Variants in LRRIQ1 observed in about 807,000 individuals in gnomAD.
LRRIQ1 encodes leucine rich repeats and IQ motif containing 1.
LRRIQ1 carries 210 observed loss-of-function variants against 211.9 expected under a neutral mutation model. That is an observed-to-expected ratio of 0.99 (90% confidence interval 0.89 to 1.11). The LOEUF (loss-of-function observed/expected upper bound fraction) is 1.11. Ranked by LOEUF, LRRIQ1 falls within the 50% of genes most tolerant of loss-of-function variation. The pLI, the probability that LRRIQ1 is intolerant of heterozygous loss-of-function variation, is 0.00. For synonymous variants in LRRIQ1, 699 were observed against 650.1 expected (o/e 1.08, Z -1.14); for missense variants, 2,136 against 1,939.5 (o/e 1.10, Z -1.90).
intron 19 of LRRIQ1, 70 bp downstream of exon 19, chr12:85,138,039 C>T: frequency 5.2e-6 from 5 of 963,434 alleles, no homozygotes; most frequent in Non-Finnish European, 7.6e-6. Flanking sequence ...GAAGATAAAC[C>T]AGTTTCTAAG....
At position 85,056,411 on chromosome 12, in the gene LRRIQ1, A is replaced by C; in HGVS notation, c.1618A>C (p.Ile540Leu). The change falls in exon 8 of 27, where the codon ATC becomes CTC. Residue 540 changes from isoleucine (I) to leucine (L), a missense_variant. Coordinates refer to ENST00000393217, the MANE Select transcript of LRRIQ1 (RefSeq NM_001079910.2). Reference sequence around the variant, plus strand: ...GTCTGATGCACAAAAAGAAGAAAAAATCATGAAACATGTCATAAATGAGAA... The same window carrying C: ...GTCTGATGCACAAAAAGAAGAAAAACTCATGAAACATGTCATAAATGAGAA... ...LKSDAQKEEKIMKHVINENTG... is the reference protein window; with the variant it reads ...LKSDAQKEEKLMKHVINENTG... 1 of 1,588,364 alleles carries C rather than the reference A, an allele frequency of 6.3e-7. No individual in the cohort carries two copies. The highest frequency in any genetic ancestry group is 8.5e-7 in the Non-Finnish European group (1 of 1,173,452).
Position 85,102,951 on chromosome 12 carries a change from A to T in LRRIQ1, c.3210-1053A>T, listed in dbSNP as rs1265629697. 2.2e-3 allele frequency among the ~76,000 whole-genome samples: 259 copies of T among 116,694 alleles called. 3 individuals carry two copies. Among genetic ancestry groups the T allele is most frequent in the East Asian group, 0.021 (71 of 3,322 alleles). The allele number at this position is 116,694 out of a possible 152,430, so 76.6% of individuals were successfully genotyped here. A position where few individuals can be genotyped will look rare whatever the true frequency, so the allele number is the denominator to read the frequency against. ...AGGCTTTTCTAATTGTGGCAAAAAA[A>T]AAAAAAAAATATATATATATATATA... On this transcript the variant is annotated intron_variant, in intron 13 of 26. Transcript: ENST00000393217.
At chr12:85,149,563 G>T (rs538173833) in intron 19 of LRRIQ1, among the ~76,000 whole-genome samples, 15 of 151,840 alleles carry the variant, frequency 9.9e-5, no homozygotes, top group Admixed American at 7.9e-4. Context: ...ATTTGCAGTG[G>T]TAAGCATGAT....
chr12:85,168,189 C>T (rs1297927626), intron 24 of LRRIQ1, among the ~76,000 whole-genome samples: 1 of 152,122 alleles, frequency 6.6e-6, no homozygotes, highest in Non-Finnish European at 1.5e-5. Flanking sequence ...GAGGAGTGAA[C>T]CAAACCTTCA....
intron 13 of LRRIQ1, among the ~76,000 whole-genome samples, chr12:85,103,032 G>T (rs2136304019): frequency 6.9e-6 from 1 of 144,266 alleles, no homozygotes; most frequent in African/African-American, 2.6e-5. Context: ...AGATGAGCTG[G>T]CTTCATTTAA....
intron 1 of LRRIQ1, among the ~76,000 whole-genome samples, chr12:85,260,465 G>A (rs1158197858): frequency 2.0e-5 from 3 of 152,070 alleles, no homozygotes; most frequent in African/African-American, 7.2e-5. Context: ...TGCTTGGAAG[G>A]CACTTGACTT....
chr12:85,259,355 A>C (rs1264665227), intron 1 of LRRIQ1, among the ~76,000 whole-genome samples: 5 of 152,018 alleles, frequency 3.3e-5, no homozygotes, highest in Admixed American at 1.3e-4. Flanking sequence ...ATGATTATAC[A>C]TTGACCATAT....
intron 24 of LRRIQ1, among the ~76,000 whole-genome samples, chr12:85,189,857 A>G (rs1481475286): frequency 6.9e-6 from 1 of 144,802 alleles, no homozygotes. Flanking sequence ...ATATATTATA[A>G]TTTATATATT....
intron 24 of LRRIQ1, among the ~76,000 whole-genome samples, chr12:85,176,060 G>C (rs1377320404): frequency 6.6e-6 from 1 of 152,090 alleles, no homozygotes; most frequent in Admixed American, 6.6e-5. Context: ...TTGGTAGCTT[G>C]ATGGGGATGG....
At chr12:85,216,191 GCCCCGGTGTGTGATGTC>G (rs1262638494) in intron 24 of LRRIQ1, among the ~76,000 whole-genome samples, 1 of 152,030 alleles carries the variant, frequency 6.6e-6, no homozygotes, top group Non-Finnish European at 1.5e-5. Flanking sequence ...CCCCTGACAG[GCCCCGGTGTGTGATGTC>G]CCCATCGCTG....
chr12:85,229,403 T>C, intron 24 of LRRIQ1, 114 bp from the exon 25 acceptor site: 1 of 796,224 alleles, frequency 1.3e-6, no homozygotes, highest in Non-Finnish European at 1.9e-6. Flanking sequence ...TTAGCTCTCA[T>C]AAGTTAGTAT....
chr12:85,044,810 G>A lies in LRRIQ1; in HGVS notation c.336+1G>A. Reference sequence around the variant, plus strand: ...AGAAAGTTCAGAGCAATTAATTAAGGTATATATTCAATATTTGACTTAAAA... The same window carrying A: ...AGAAAGTTCAGAGCAATTAATTAAGATATATATTCAATATTTGACTTAAAA... On this transcript the variant is annotated splice_donor_variant, in intron 4 of 26. Coordinates refer to ENST00000393217, the MANE Select transcript of LRRIQ1 (RefSeq NM_001079910.2). LOFTEE classifies it high-confidence loss of function. 2 of 1,347,332 alleles carry A rather than the reference G, an allele frequency of 1.5e-6. No homozygotes were observed. The highest frequency in any genetic ancestry group is 1.3e-5 in the South Asian group (1 of 78,476). The allele number at this position is 1,347,332 out of a possible 1,614,324, so 83.5% of individuals were successfully genotyped here.
intron 15 of LRRIQ1, among the ~76,000 whole-genome samples, chr12:85,108,388 A>G (rs1016059378): frequency 1.7e-4 from 26 of 152,090 alleles, no homozygotes; most frequent in Non-Finnish European, 2.9e-4. Flanking sequence ...TCAGTCTCCC[A>G]AAGTGCTGGG....
At chr12:85,191,539 A>G (rs897089283) in intron 24 of LRRIQ1, among the ~76,000 whole-genome samples, 1 of 152,034 alleles carries the variant, frequency 6.6e-6, no homozygotes, top group African/African-American at 2.4e-5. Flanking sequence ...ATTGAATGGA[A>G]GTACCACAGT....
intron 24 of LRRIQ1, among the ~76,000 whole-genome samples, chr12:85,189,019 C>T (rs1003448857): frequency 2.0e-5 from 3 of 152,002 alleles, no homozygotes; most frequent in Non-Finnish European, 4.4e-5. Flanking sequence ...AGAGACTGCA[C>T]AAGGTGGAGA....
chr12:85,063,684 ACC>A (rs988094823), intron 8 of LRRIQ1, among the ~76,000 whole-genome samples: 1 of 150,928 alleles, frequency 6.6e-6, no homozygotes, highest in Admixed American at 6.6e-5. Flanking sequence ...ACTTCCCTCA[ACC>A]CCACCCCACT....
Position 85,038,978 on chromosome 12 carries a change from A to G in LRRIQ1, c.132+670A>G, listed in dbSNP as rs1878527629. On this transcript the variant is annotated intron_variant, in intron 2 of 26. Coordinates refer to ENST00000393217, the MANE Select transcript of LRRIQ1 (RefSeq NM_001079910.2). Reference sequence around the variant, plus strand: ...CTTCACATCTTTTTATCATTTGAAAATCTTAACTAAGCTTTTTTTGAAAAA... The same window carrying G: ...CTTCACATCTTTTTATCATTTGAAAGTCTTAACTAAGCTTTTTTTGAAAAA... Among the ~76,000 whole-genome samples, 3 of 151,272 alleles carry G rather than the reference A, an allele frequency of 2.0e-5. No individual in the cohort carries two copies. The South Asian group carries it at 6.3e-4, about 32-fold the overall frequency.
At chr12:85,074,580 C>T (rs1883441415) in intron 11 of LRRIQ1, among the ~76,000 whole-genome samples, 1 of 151,892 alleles carries the variant, frequency 6.6e-6, no homozygotes, top group Admixed American at 6.6e-5. Flanking sequence ...AAGCAAGCAT[C>T]CCCAACTCCT....
At chr12:85,037,510 T>C (rs1199491287) in intron 1 of LRRIQ1, among the ~76,000 whole-genome samples, 2 of 152,122 alleles carry the variant, frequency 1.3e-5, no homozygotes, top group African/African-American at 2.4e-5. Flanking sequence ...TTCTTTCTTT[T>C]CCTTTTTTTA....
Sources: gnomAD v4.1 joint callset for allele counts (sites outside exome capture counted in the v4.1 genomes callset) on GRCh38, gnomAD v4.1.1 for gene constraint, MANE v1.5 for transcripts, NCBI Gene and HGNC (gene_info 2026-07-23, HGNC 2026-07-21) for gene names.